TENM3: variants seen among roughly 807,000 people sequenced by gnomAD.
The protein encoded by TENM3 is teneurin transmembrane protein 3.
TENM3 carries 63 observed loss-of-function variants against 255.1 expected under a neutral mutation model. The ratio of observed to expected loss-of-function variants is 0.25; its 90% CI spans 0.20 to 0.30. The LOEUF is 0.30. Ranked by LOEUF, TENM3 falls within the 10% of genes least tolerant of loss-of-function variation. TENM3 has a pLI of 1.00. For missense variants in TENM3, 2,929 were observed against 3,461.1 expected (o/e 0.85, Z 3.86); for synonymous variants, 1,306 against 1,322.3 (o/e 0.99, Z 0.27).
At chr4:181,464,810 G>A in the TENM3 span, among the ~76,000 whole-genome samples, 3 of 152,044 alleles carry the variant, frequency 2.0e-5, no homozygotes. Context: ...AATTAGCTGG[G>A]CATGGTGGCT....
the TENM3 span, among the ~76,000 whole-genome samples, chr4:182,081,359 G>A: frequency 1.3e-5 from 2 of 151,980 alleles, no homozygotes; most frequent in African/African-American, 4.8e-5. Context: ...GCCGAGGCGG[G>A]TGGATCACAA....
At chr4:182,327,143 T>C (rs1763465610) in intron 2 of TENM3, among the ~76,000 whole-genome samples, 2 of 152,188 alleles carry the variant, frequency 1.3e-5, no homozygotes, top group Non-Finnish European at 1.5e-5. Flanking sequence ...ACCTGACAAA[T>C]GTCAATTTTT....
At chr4:182,250,339 A>G (rs1757938564) in intron 1 of TENM3, among the ~76,000 whole-genome samples, 1 of 152,158 alleles carries the variant, frequency 6.6e-6, no homozygotes, top group Admixed American at 6.5e-5. Context: ...GGTGTGAGCC[A>G]CTGCGCCTGG....
At chr4:182,082,862 G>T in the TENM3 span, among the ~76,000 whole-genome samples, 1 of 152,088 alleles carries the variant, frequency 6.6e-6, no homozygotes, top group Non-Finnish European at 1.5e-5. Flanking sequence ...TTTATTAAGG[G>T]GTATTTTATG....
chr4:182,387,657 C>T (rs1161083782), intron 3 of TENM3, among the ~76,000 whole-genome samples: 1 of 152,102 alleles, frequency 6.6e-6, no homozygotes, highest in Admixed American at 6.5e-5. Flanking sequence ...CACGAGCCCA[C>T]CGGGAGGAAA....
At chr4:181,605,452 AAGAGAG>A in the TENM3 span, among the ~76,000 whole-genome samples, 23 of 100,506 alleles carry the variant, frequency 2.3e-4, 1 homozygote, top group Admixed American at 1.8e-3. Context: ...AAAAGAAAGA[AAGAGAG>A]AGAGAGAGAG....
the TENM3 span, among the ~76,000 whole-genome samples, chr4:181,688,914 T>C: frequency 6.6e-6 from 1 of 152,224 alleles, no homozygotes; most frequent in South Asian, 2.1e-4. Context: ...CCATTCATCC[T>C]GGGTACCCTT....
intron 2 of TENM3, among the ~76,000 whole-genome samples, chr4:182,324,899 T>C (rs979581883): frequency 2.0e-5 from 3 of 152,210 alleles, no homozygotes; most frequent in Non-Finnish European, 4.4e-5. Context: ...TTACACTGTT[T>C]TTGGCCTGAG....
chr4:182,612,366 G>T (rs993669239), intron 4 of TENM3, among the ~76,000 whole-genome samples: 5 of 151,784 alleles, frequency 3.3e-5, no homozygotes, highest in Admixed American at 2.0e-4. Context: ...CAGAGTTTCA[G>T]CAGAAAGTAA....
At chr4:182,612,110 A>C (rs1749051491) in intron 4 of TENM3, among the ~76,000 whole-genome samples, 1 of 151,756 alleles carries the variant, frequency 6.6e-6, no homozygotes, top group Non-Finnish European at 1.5e-5. Flanking sequence ...TCTACTAAAA[A>C]TACAAAAAAA....
chr4:182,463,158 A>T (rs1263384834), intron 3 of TENM3, among the ~76,000 whole-genome samples: 1 of 152,182 alleles, frequency 6.6e-6, no homozygotes, highest in Admixed American at 6.5e-5. Flanking sequence ...CGTAGTTGAA[A>T]CAAATAGAAA....
At chr4:182,694,271 G>A (rs1475472205) in intron 12 of TENM3, among the ~76,000 whole-genome samples, 2 of 151,782 alleles carry the variant, frequency 1.3e-5, no homozygotes, top group Admixed American at 1.3e-4. Flanking sequence ...CACCACACCT[G>A]GCTCATTTTT....
the TENM3 span, among the ~76,000 whole-genome samples, chr4:182,113,273 C>T: frequency 7.2e-5 from 11 of 152,100 alleles, no homozygotes; most frequent in South Asian, 6.2e-4. Flanking sequence ...AATTTTAAAG[C>T]GGATTTGAGA....
At chr4:182,062,176 G>T in the TENM3 span, among the ~76,000 whole-genome samples, 984 of 152,242 alleles carry the variant, frequency 6.5e-3, 9 homozygotes, top group African/African-American at 0.022. Flanking sequence ...TGGTGAAGCA[G>T]ATTAAACAGG....
At chr4:181,652,842 T>G in the TENM3 span, among the ~76,000 whole-genome samples, 1 of 152,200 alleles carries the variant, frequency 6.6e-6, no homozygotes, top group Non-Finnish European at 1.5e-5. Context: ...GTTTCTAAAG[T>G]CTGAAGATTT....
chr4:182,720,430 G>T (rs980298164), intron 13 of TENM3, among the ~76,000 whole-genome samples: 2 of 152,032 alleles, frequency 1.3e-5, no homozygotes, highest in Non-Finnish European at 2.9e-5. Flanking sequence ...ATCAGACATA[G>T]AGTGGTGCTT....
chr4:182,617,180 T>C (rs1269874836), intron 4 of TENM3, among the ~76,000 whole-genome samples: 1 of 152,184 alleles, frequency 6.6e-6, no homozygotes, highest in Non-Finnish European at 1.5e-5. Flanking sequence ...CTGACAAATA[T>C]TTTGGGCTGA....
intron 3 of TENM3, among the ~76,000 whole-genome samples, chr4:182,507,655 T>C (rs1205609392): frequency 6.6e-6 from 1 of 152,080 alleles, no homozygotes; most frequent in Admixed American, 6.6e-5. Context: ...AAAGCAGAGG[T>C]TTATAAATTT....
At chr4:182,335,813 T>A (rs1764100631) in intron 2 of TENM3, among the ~76,000 whole-genome samples, 1 of 152,192 alleles carries the variant, frequency 6.6e-6, no homozygotes, top group South Asian at 2.1e-4. Flanking sequence ...TATAATATAC[T>A]GAATGACTGT....
Sources: gnomAD v4.1 joint callset for allele counts (sites outside exome capture counted in the v4.1 genomes callset) on GRCh38, gnomAD v4.1.1 for gene constraint, MANE v1.5 for transcripts, NCBI Gene and HGNC (gene_info 2026-07-23, HGNC 2026-07-21) for gene names.